The following ADGB variants were observed in gnomAD, a reference collection of about 807,000 sequenced individuals.
ADGB encodes androglobin, also known as calpain-7-like protein.
Under a neutral mutation model 210.5 loss-of-function variants are expected in ADGB, and 172 were observed. That is an observed-to-expected ratio of 0.82 (90% CI 0.72 to 0.93). The LOEUF (loss-of-function observed/expected upper bound fraction) is 0.93, where lower values mean the gene tolerates loss of function less well. Among genes scored for constraint, ADGB ranks in the 40% least tolerant of loss-of-function variants. ADGB has a pLI of 0.00. For synonymous variants in ADGB, 658 were observed against 662.7 expected, an observed-to-expected ratio of 0.99 and a Z score of 0.11; for missense variants, 2,025 against 1,964.8, an observed-to-expected ratio of 1.03 and a Z score of -0.58.
intron 33 of ADGB, among the ~76,000 whole-genome samples, chr6:146,791,748 C>A (rs1310349375): frequency 1.3e-5 from 2 of 151,732 alleles, no homozygotes; most frequent in African/African-American, 4.8e-5. Flanking sequence ...GTGTTCTGTT[C>A]CATTTGTTTT....
intron 27 of ADGB, among the ~76,000 whole-genome samples, chr6:146,753,853 T>C (rs1777361924): frequency 6.6e-6 from 1 of 151,866 alleles, no homozygotes; most frequent in African/African-American, 2.4e-5. Context: ...ATGAGTTTTT[T>C]TCTCTATGTG....
At chr6:146,640,815 G>C (rs1433839499) in intron 2 of ADGB, among the ~76,000 whole-genome samples, 2 of 151,880 alleles carry the variant, frequency 1.3e-5, no homozygotes, top group Non-Finnish European at 2.9e-5. Context: ...ATACTGAATG[G>C]GCAAAAGCCA....
intron 32 of ADGB, among the ~76,000 whole-genome samples, chr6:146,787,118 G>A (rs1777884784): frequency 4.6e-5 from 7 of 152,098 alleles, no homozygotes; most frequent in Admixed American, 4.6e-4. Flanking sequence ...CTAAAACTGG[G>A]GTCAGCAGGC....
At chr6:146,678,792 A>C (rs1776119228) in intron 9 of ADGB, among the ~76,000 whole-genome samples, 1 of 152,188 alleles carries the variant, frequency 6.6e-6, no homozygotes. Flanking sequence ...CTTGACATTT[A>C]AGATTTCATT....
intron 1 of ADGB, among the ~76,000 whole-genome samples, chr6:146,614,207 C>CCTT (rs1780754247): frequency 1.5e-5 from 2 of 132,578 alleles, no homozygotes; most frequent in African/African-American, 5.9e-5. Flanking sequence ...CTCCCTTCCT[C>CCTT]CCTTCCTTCC....
chr6:146,774,334 A>G (rs1035939416), intron 29 of ADGB, among the ~76,000 whole-genome samples: 6 of 152,232 alleles, frequency 3.9e-5, no homozygotes, highest in African/African-American at 1.4e-4. Context: ...AATATGAGTG[A>G]ACACTCAACA....
intron 35 of ADGB, among the ~76,000 whole-genome samples, chr6:146,811,297 C>A (rs1374053143): frequency 6.6e-6 from 1 of 152,066 alleles, no homozygotes; most frequent in Non-Finnish European, 1.5e-5. Context: ...CTTTTTCTCA[C>A]CAAACAACAC....
intron 1 of ADGB, among the ~76,000 whole-genome samples, chr6:146,608,927 A>C (rs543187721): frequency 4.6e-4 from 70 of 152,138 alleles, no homozygotes; most frequent in African/African-American, 1.6e-3. Context: ...TATCTTTTTA[A>C]ATTTTCTGCT....
rs144516124 is a variant in ADGB, at chr6:146,693,392, A to T, written c.1577+477A>T. ...GGCTACGTGAGCACACAGAGAAGGC[A>T]GCTGTTGGCAGGCAGGAAGGAGAGT... On this transcript the variant is annotated intron_variant, in intron 12 of 35. Coordinates refer to ENST00000397944, the MANE Select transcript of ADGB (RefSeq NM_024694.4). Among the ~76,000 whole-genome samples the T allele has an allele frequency of 3.7e-3, 562 of 152,286 alleles. 7 individuals carry two copies. Among genetic ancestry groups the T allele is most frequent in the African/African-American group, 0.013 (528 of 41,576 alleles).
chr6:146,801,657 T>G (rs1227733950), intron 34 of ADGB, among the ~76,000 whole-genome samples, 171 bp from the exon 35 acceptor site: 2 of 152,222 alleles, frequency 1.3e-5, no homozygotes, highest in Non-Finnish European at 2.9e-5. Context: ...ACTCAATAAA[T>G]GGAGCATAGC....
intron 3 of ADGB, among the ~76,000 whole-genome samples, chr6:146,645,650 A>G (rs1283736541): frequency 1.3e-5 from 2 of 152,040 alleles, no homozygotes; most frequent in African/African-American, 4.8e-5. Flanking sequence ...ATGTATCTAT[A>G]TGAAATTTAC....
chr6:146,792,715 G>A (rs1222397849), intron 33 of ADGB, among the ~76,000 whole-genome samples: 1 of 151,992 alleles, frequency 6.6e-6, no homozygotes, highest in Non-Finnish European at 1.5e-5. Context: ...TGCATAGAGA[G>A]GAGAAATAAG....
At chr6:146,614,336 A>C (rs1430853983) in intron 1 of ADGB, among the ~76,000 whole-genome samples, 2 of 152,082 alleles carry the variant, frequency 1.3e-5, no homozygotes, top group Admixed American at 1.3e-4. Context: ...GCATCTGTAC[A>C]CATGAAACCT....
At chr6:146,812,908 C>G (rs1583652492) in intron 35 of ADGB, among the ~76,000 whole-genome samples, 1 of 152,176 alleles carries the variant, frequency 6.6e-6, no homozygotes, top group East Asian at 1.9e-4. Flanking sequence ...TTGTGAAGAA[C>G]AGCTATTCAT....
At chr6:146,746,939 AT>A (rs936155990) in intron 26 of ADGB, among the ~76,000 whole-genome samples, 2 of 152,028 alleles carry the variant, frequency 1.3e-5, no homozygotes, top group African/African-American at 2.4e-5. Flanking sequence ...TTAAAAAAAA[AT>A]CATCACCTTT....
Position 146,716,935 on chromosome 6 carries a change from A to G in ADGB, c.1794A>G (p.Gly598=). Residue 598 remains glycine (G), a synonymous_variant, in exon 15 of 36, where the codon GGA becomes GGG. Coordinates refer to ENST00000397944, the MANE Select transcript of ADGB (RefSeq NM_024694.4). The part of the protein sequence containing the change: ...FGLGDAHQSD[G]LNLEREIVSQ... ...TGGGTGATGCTCATCAGAGTGATGGATTAAACTTGGAAAGAGAGATAGTCA... is the reference window on the plus strand; with the variant it reads ...TGGGTGATGCTCATCAGAGTGATGGGTTAAACTTGGAAAGAGAGATAGTCA... 6.4e-7 allele frequency: 1 copy of G among 1,551,572 alleles called. No individual in the cohort carries two copies. The highest frequency in any genetic ancestry group is 8.7e-7 in the Non-Finnish European group (1 of 1,146,922).
intron 33 of ADGB, among the ~76,000 whole-genome samples, chr6:146,792,654 G>A (rs1345840512): frequency 6.6e-6 from 1 of 151,864 alleles, no homozygotes; most frequent in African/African-American, 2.4e-5. Flanking sequence ...GGCCATCAGA[G>A]TCTTTGGACA....
intron 8 of ADGB, among the ~76,000 whole-genome samples, chr6:146,674,386 T>C (rs1192234638): frequency 1.3e-5 from 2 of 151,978 alleles, no homozygotes; most frequent in African/African-American, 4.8e-5. Flanking sequence ...ACTGGGAAGA[T>C]CCTGCTGAGA....
intron 27 of ADGB, among the ~76,000 whole-genome samples, chr6:146,757,100 C>T (rs1424030431): frequency 6.6e-6 from 1 of 151,988 alleles, no homozygotes; most frequent in Non-Finnish European, 1.5e-5. Context: ...TTAAAGAAAA[C>T]TCTTTGTATT....
Sources: allele counts gnomAD v4.1 joint callset (sites outside exome capture counted in the v4.1 genomes callset), GRCh38; gene constraint gnomAD v4.1.1; transcripts MANE v1.5; gene names NCBI Gene and HGNC (gene_info 2026-07-23, HGNC 2026-07-21).